Variants in TAF12 observed in about 807,000 individuals in gnomAD.
TAF12 encodes the protein TATA-box binding protein associated factor 12, also known as transcription initiation factor TFIID subunit 12.
A neutral mutation model predicts 20.8 loss-of-function variants in TAF12; 3 were observed. The ratio of observed to expected loss-of-function variants is 0.14; its 90% CI spans 0.07 to 0.37. TAF12 has a LOEUF of 0.37. Ranked by LOEUF, TAF12 falls within the 10% of genes least tolerant of loss-of-function variation. The pLI, the probability that TAF12 is intolerant of heterozygous loss-of-function variation, is 1.00. For synonymous variants in TAF12, 69 were observed against 70.2 expected, an observed-to-expected ratio of 0.98 and a Z score of 0.09; for missense variants, 131 against 197.9, an observed-to-expected ratio of 0.66 and a Z score of 2.03.
intron 1 of TAF12, among the ~76,000 whole-genome samples, chr1:28,638,489 T>C (rs1667918423): frequency 1.4e-5 from 2 of 143,742 alleles, no homozygotes; most frequent in Non-Finnish European, 3.0e-5. Context: ...GCGCCCGGCC[T>C]AATTTTTTTT....
chr1:28,643,144 G>A (rs573544572), upstream of TAF12: 203 of 984,280 alleles, frequency 2.1e-4, no homozygotes, highest in African/African-American at 3.2e-3. Context: ...CGGCCGGCGG[G>A]CGCGCGCCTC....
intron 1 of TAF12, among the ~76,000 whole-genome samples, chr1:28,628,339 T>A (rs1485740715): frequency 1.4e-5 from 2 of 146,090 alleles, no homozygotes; most frequent in East Asian, 4.1e-4. Flanking sequence ...CACTCCAGCC[T>A]GGGTGACAGA....
chr1:28,625,362 G>A (rs1240859658), intron 1 of TAF12, among the ~76,000 whole-genome samples: 1 of 152,122 alleles, frequency 6.6e-6, no homozygotes, highest in East Asian at 1.9e-4. Flanking sequence ...AACATAGTGA[G>A]ACACTGTCCC....
chr1:28,643,410 C>T (rs1324874573), upstream of TAF12: 2 of 152,220 alleles, frequency 1.3e-5, no homozygotes, highest in Non-Finnish European at 1.5e-5. Context: ...GTGCCTTTGT[C>T]TTGGTGTCAG....
In TAF12 at chr1:28,615,916, T is replaced by C. The variant is rs1667027529; in HGVS notation, c.246+2037A>G. 2.0e-5 allele frequency among the ~76,000 whole-genome samples: 3 copies of C among 152,098 alleles called. No individual in the cohort carries two copies. The South Asian group carries it at 6.2e-4, about 32-fold the overall frequency. ...AGCTCATAAAAGCCAACTGTGTACC[T>C]CTTTTCCCAAGTTTGTATTTAGTGA... On this transcript the variant is annotated intron_variant, in intron 3 of 5. Transcript: ENST00000373824.
At chr1:28,617,720 G>A (rs4252986) in intron 3 of TAF12, among the ~76,000 whole-genome samples, 30,751 of 151,788 alleles carry the variant, frequency 0.2, 3,835 homozygotes, top group Middle Eastern at 0.31. Flanking sequence ...CAAAGTGCTG[G>A]GATTACAGGA....
At chr1:28,639,424 C>CCCAAAAAAAAAAAAAA (rs1667959574) in intron 1 of TAF12, among the ~76,000 whole-genome samples, 1 of 52,502 alleles carries the variant, frequency 1.9e-5, no homozygotes. Context: ...AACTCCGTCT[C>CCCAAAAAAAAAAAAAA]ACAAAAAAAA....
intron 1 of TAF12, among the ~76,000 whole-genome samples, chr1:28,629,324 C>T (rs1354883673): frequency 1.3e-5 from 2 of 151,972 alleles, no homozygotes; most frequent in African/African-American, 4.8e-5. Context: ...ATAGATCATA[C>T]TCACCCTTTT....
upstream of TAF12, among the ~76,000 whole-genome samples, chr1:28,645,336 CTTCT>C (rs1485307069): frequency 2.0e-4 from 30 of 147,696 alleles, no homozygotes; most frequent in East Asian, 2.2e-3. Context: ...CGCCCGGCCT[CTTCT>C]TTTTTTTTTT....
chr1:28,620,287 C>A (rs1667172427), intron 2 of TAF12, among the ~76,000 whole-genome samples: 1 of 151,500 alleles, frequency 6.6e-6, no homozygotes, highest in African/African-American at 2.4e-5. Flanking sequence ...GTGTGCACCA[C>A]CATGCCAGGT....
At chr1:28,603,708 C>T (rs1419136070) in intron 5 of TAF12, 134 bp from the exon 6 acceptor site, 2 of 816,066 alleles carry the variant, frequency 2.5e-6, no homozygotes, top group Non-Finnish European at 4.1e-6. Flanking sequence ...AGTCACAAGG[C>T]ATCTCAGTAG....
At chr1:28,604,501 G>A (rs868014106) in intron 5 of TAF12, among the ~76,000 whole-genome samples, 50 of 152,036 alleles carry the variant, frequency 3.3e-4, no homozygotes, top group African/African-American at 1.1e-3. Context: ...GGCATTTGTC[G>A]ACTAAATAAA....
chr1:28,618,930 C>A, intron 2 of TAF12, among the ~76,000 whole-genome samples: 1 of 152,128 alleles, frequency 6.6e-6, no homozygotes, highest in Admixed American at 6.6e-5. Context: ...TGCCTGTAGT[C>A]CCAGCTACTC....
At chr1:28,604,336 T>G (rs1051453180) in intron 5 of TAF12, among the ~76,000 whole-genome samples, 2 of 152,164 alleles carry the variant, frequency 1.3e-5, no homozygotes, top group Admixed American at 1.3e-4. Context: ...TGACCTGCAT[T>G]GAAGGGAAAC....
intron 1 of TAF12, among the ~76,000 whole-genome samples, chr1:28,631,565 C>T (rs988156989): frequency 2.0e-5 from 3 of 152,104 alleles, no homozygotes; most frequent in African/African-American, 7.2e-5. Flanking sequence ...CATGATGGCT[C>T]ATGCATGTAA....
intron 1 of TAF12, among the ~76,000 whole-genome samples, chr1:28,625,199 G>A (rs1667340839): frequency 6.6e-6 from 1 of 152,104 alleles, no homozygotes; most frequent in South Asian, 2.1e-4. Context: ...CAAAATAAGT[G>A]GAGACTTTTT....
Position 28,603,263 on chromosome 1 carries a change from T to C in TAF12, c.*276A>G. The C allele has an allele frequency of 2.2e-6, 1 of 459,488 alleles. No homozygotes were observed. The highest frequency in any genetic ancestry group is 3.9e-6 in the Non-Finnish European group (1 of 256,494). The allele number at this position is 459,488 out of a possible 1,614,324, so 28.5% of individuals were successfully genotyped here. On this transcript the variant is annotated 3_prime_UTR_variant, in exon 6 of 6. Transcript: ENST00000373824. ...AAAGACCATAATGCTTTGTCCCATATTCAGTCACTTATATAATAAACCACA... is the reference window on the plus strand; with the variant it reads ...AAAGACCATAATGCTTTGTCCCATACTCAGTCACTTATATAATAAACCACA...
chr1:28,623,094 G>A (rs1667274942), intron 1 of TAF12, among the ~76,000 whole-genome samples: 1 of 151,916 alleles, frequency 6.6e-6, no homozygotes, highest in Non-Finnish European at 1.5e-5. Context: ...TGTGGTCCTA[G>A]CTACTCAGGA....
At chr1:28,617,803 G>A in intron 3 of TAF12, 150 bp downstream of exon 3, 2 of 778,338 alleles carry the variant, frequency 2.6e-6, no homozygotes, top group Non-Finnish European at 4.4e-6. Flanking sequence ...ATATGGCCTA[G>A]GCTGGTCTTG....
Sources: allele counts gnomAD v4.1 joint callset (sites outside exome capture counted in the v4.1 genomes callset), GRCh38; gene constraint gnomAD v4.1.1; transcripts MANE v1.5; gene names NCBI Gene and HGNC (gene_info 2026-07-23, HGNC 2026-07-21).